EFL1: variants seen among roughly 807,000 people sequenced by gnomAD.
EFL1 encodes the protein elongation factor-like GTPase 1.
In EFL1, 76 loss-of-function variants were observed where a neutral mutation model predicts 126.7. The observed-to-expected ratio is 0.60, with a 90% CI of 0.50 to 0.73. The LOEUF (loss-of-function observed/expected upper bound fraction) is 0.73. Ranked by LOEUF, EFL1 falls within the 30% of genes least tolerant of loss-of-function variation. The pLI is 0.00. For synonymous variants in EFL1, 410 were observed against 448.4 expected (o/e 0.91, Z 1.08); for missense variants, 1,128 against 1,343.2 (o/e 0.84, Z 2.50).
At chr15:82,167,528 T>C (rs987305735) in intron 15 of EFL1, among the ~76,000 whole-genome samples, 4 of 152,200 alleles carry the variant, frequency 2.6e-5, no homozygotes, top group African/African-American at 9.7e-5. Context: ...TTTTATGATA[T>C]GAGACTGAAA....
At chr15:82,199,321 G>A (rs1248053124) in intron 15 of EFL1, among the ~76,000 whole-genome samples, 1 of 150,700 alleles carries the variant, frequency 6.6e-6, no homozygotes, top group Admixed American at 6.6e-5. Flanking sequence ...TTGAGAAAGA[G>A]AGAGAGAGAA....
chr15:82,259,577 G>GT (rs1444158790), intron 2 of EFL1, among the ~76,000 whole-genome samples: 1 of 152,156 alleles, frequency 6.6e-6, no homozygotes. Context: ...TAAACATACT[G>GT]TAACAACCAA....
chr15:82,162,520 G>C (rs1225349610), intron 16 of EFL1, among the ~76,000 whole-genome samples: 1 of 152,146 alleles, frequency 6.6e-6, no homozygotes, highest in East Asian at 1.9e-4. Flanking sequence ...CTAGTGAGTA[G>C]AATAAAAGAA....
At chr15:82,237,115 C>T (rs2074880973) in intron 7 of EFL1, among the ~76,000 whole-genome samples, 1 of 152,124 alleles carries the variant, frequency 6.6e-6, no homozygotes, top group Admixed American at 6.5e-5. Flanking sequence ...TGCACTCCAG[C>T]CTGGGCAACA....
chr15:82,211,129 T>TC (rs1250320736), intron 15 of EFL1, among the ~76,000 whole-genome samples: 2 of 151,940 alleles, frequency 1.3e-5, no homozygotes, highest in Non-Finnish European at 2.9e-5. Context: ...ATTCCTGGTC[T>TC]CAGTCAACTC....
At chr15:82,189,253 C>T (rs371262592) in intron 15 of EFL1, among the ~76,000 whole-genome samples, 1 of 152,118 alleles carries the variant, frequency 6.6e-6, no homozygotes, top group Non-Finnish European at 1.5e-5. Context: ...CCATCATATA[C>T]GTAATCCTTC....
intron 19 of EFL1, among the ~76,000 whole-genome samples, chr15:82,133,205 G>T (rs2073678418): frequency 6.6e-6 from 1 of 152,174 alleles, no homozygotes. Context: ...CAGAAGAAAG[G>T]GAGCCTGCAT....
chr15:82,218,990 G>A (rs2074680333), intron 14 of EFL1, among the ~76,000 whole-genome samples: 1 of 152,176 alleles, frequency 6.6e-6, no homozygotes, highest in East Asian at 1.9e-4. Flanking sequence ...GGTGCCAGCT[G>A]ACAATTTCCT....
chr15:82,262,652 G>C lies in EFL1; in HGVS notation c.-58C>G. 1 of 496,650 alleles carries C rather than the reference G, an allele frequency of 2.0e-6. No homozygotes were observed. 30.8% of individuals were successfully genotyped at this position (496,650 alleles called of 1,614,324 possible). A position where few individuals can be genotyped will look rare whatever the true frequency, so the allele number is the denominator to read the frequency against. On this transcript the variant is annotated 5_prime_UTR_variant, in exon 1 of 20. Transcript: ENST00000268206. The stretch of plus-strand genomic sequence containing the variant: ...CCCACCAGCCCCGCTCCTTCTCTCG[G>C]GTCGCACCCACACCGAGAGCTTCCG...
At chr15:82,258,604 A>C (rs987803124) in intron 3 of EFL1, among the ~76,000 whole-genome samples, 1 of 152,232 alleles carries the variant, frequency 6.6e-6, no homozygotes, top group African/African-American at 2.4e-5. Context: ...CCTCAGGCAC[A>C]AGCAGCTTTC....
At chr15:82,169,821 C>T (rs2074115236) in intron 15 of EFL1, among the ~76,000 whole-genome samples, 1 of 152,100 alleles carries the variant, frequency 6.6e-6, no homozygotes, top group African/African-American at 2.4e-5. Context: ...ACGGCAAGGA[C>T]CAAAATAGGC....
intron 15 of EFL1, among the ~76,000 whole-genome samples, chr15:82,176,766 C>T (rs534826563): frequency 3.6e-4 from 55 of 152,226 alleles, no homozygotes; most frequent in African/African-American, 1.3e-3. Flanking sequence ...ACTCTATGAC[C>T]CAATAATTTC....
At chr15:82,188,072 C>T (rs1196148398) in intron 15 of EFL1, among the ~76,000 whole-genome samples, 2 of 151,986 alleles carry the variant, frequency 1.3e-5, no homozygotes, top group Non-Finnish European at 2.9e-5. Context: ...ACTCTTTGTC[C>T]TGTTGAATGC....
At chr15:82,163,774 T>C in intron 16 of EFL1, 79 bp downstream of exon 16, 3 of 1,506,522 alleles carry the variant, frequency 2.0e-6, no homozygotes, top group South Asian at 1.3e-5. Flanking sequence ...AAACAAGTCA[T>C]GAGGAATCAA....
chr15:82,227,626 C>T (rs999449662), intron 10 of EFL1, 54 bp from the exon 11 acceptor site: 93 of 1,611,320 alleles, frequency 5.8e-5, no homozygotes, highest in Non-Finnish European at 3.3e-5. Context: ...CCCACCAAGG[C>T]GAAGATTCAC....
At chr15:82,218,983 G>A (rs1477903654) in intron 14 of EFL1, among the ~76,000 whole-genome samples, 3 of 152,172 alleles carry the variant, frequency 2.0e-5, no homozygotes, top group Non-Finnish European at 4.4e-5. Flanking sequence ...GCTCCACGGT[G>A]CCAGCTGACA....
intron 15 of EFL1, among the ~76,000 whole-genome samples, chr15:82,204,330 AC>A (rs2074502079): frequency 6.6e-6 from 1 of 151,814 alleles, no homozygotes; most frequent in Non-Finnish European, 1.5e-5. Flanking sequence ...ACTGAAAATC[AC>A]CTTTCCCCCA....
rs532569615 is a variant in EFL1, at chr15:82,183,672, C to A, written c.1751-19688G>T. 6.6e-5 allele frequency among the ~76,000 whole-genome samples: 10 copies of A among 152,322 alleles called. No individual in the cohort carries two copies. In the South Asian group the frequency reaches 1.9e-3, roughly 28 times the overall value. On this transcript the variant is annotated intron_variant, in intron 15 of 19. Coordinates refer to ENST00000268206, the MANE Select transcript of EFL1 (RefSeq NM_024580.6). The stretch of plus-strand genomic sequence containing the variant: ...CAAAATGTATTCTGTAGCTCTGAGG[C>A]ACTGAATATTTAGCCATTTTGAATA...
At chr15:82,190,352 A>G (rs545322027) in intron 15 of EFL1, among the ~76,000 whole-genome samples, 74 of 152,178 alleles carry the variant, frequency 4.9e-4, no homozygotes, top group Non-Finnish European at 9.4e-4. Flanking sequence ...ACTTTGAGTA[A>G]TAACTCATTT....
Sources: allele counts gnomAD v4.1 joint callset (sites outside exome capture counted in the v4.1 genomes callset), GRCh38; gene constraint gnomAD v4.1.1; transcripts MANE v1.5; gene names NCBI Gene and HGNC (gene_info 2026-07-23, HGNC 2026-07-21).